PID1: variants seen among roughly 807,000 people sequenced by gnomAD.
PID1 encodes the protein phosphotyrosine interaction domain containing 1, also known as PTB-containing, cubilin and LRP1-interacting protein.
Under a neutral mutation model 19.1 loss-of-function variants are expected in PID1, and 10 were observed. The ratio of observed to expected loss-of-function variants is 0.52; its 90% CI spans 0.32 to 0.89. The LOEUF is 0.89. Among genes scored for constraint, PID1 ranks in the 40% least tolerant of loss-of-function variants. The pLI is 0.03. For missense variants in PID1, 248 were observed against 285.3 expected (o/e 0.87, Z 0.94); for synonymous variants, 130 against 116.0 (o/e 1.12, Z -0.78).
intron 2 of PID1, among the ~76,000 whole-genome samples, chr2:229,144,181 G>A (rs1458608628): frequency 9.2e-5 from 14 of 152,130 alleles, no homozygotes; most frequent in Admixed American, 8.5e-4. Flanking sequence ...GTTTACTTCT[G>A]GGAGACGTGC....
intron 1 of PID1, among the ~76,000 whole-genome samples, chr2:229,171,072 T>C (rs1269788040): frequency 1.3e-5 from 2 of 152,206 alleles, no homozygotes; most frequent in African/African-American, 4.8e-5. Context: ...TTGGAAGTGC[T>C]CAGCTTGACA....
At chr2:229,264,098 C>T (rs1223197637) in intron 1 of PID1, among the ~76,000 whole-genome samples, 1 of 152,144 alleles carries the variant, frequency 6.6e-6, no homozygotes, top group Non-Finnish European at 1.5e-5. Context: ...GCTTCTGGGA[C>T]CCTGACCACA....
At chr2:229,036,368 T>G (rs2106169902) in intron 2 of PID1, among the ~76,000 whole-genome samples, 1 of 152,318 alleles carries the variant, frequency 6.6e-6, no homozygotes. Context: ...AGCTAGGTTT[T>G]TTCTTTTGTT....
intron 2 of PID1, among the ~76,000 whole-genome samples, chr2:229,072,068 T>A (rs1268297313): frequency 6.6e-6 from 1 of 152,232 alleles, no homozygotes; most frequent in East Asian, 1.9e-4. Flanking sequence ...TTCATTCTCC[T>A]CTTGTTAGCA....
intron 1 of PID1, among the ~76,000 whole-genome samples, chr2:229,222,086 A>G (rs372442588): frequency 3.1e-4 from 47 of 152,352 alleles, no homozygotes; most frequent in African/African-American, 1.1e-3. Flanking sequence ...AAATTTACTT[A>G]TAACATTTTC....
At chr2:229,083,476 A>G (rs1379070427) in intron 2 of PID1, among the ~76,000 whole-genome samples, 1 of 152,226 alleles carries the variant, frequency 6.6e-6, no homozygotes, top group Non-Finnish European at 1.5e-5. Flanking sequence ...TTTTGAATCA[A>G]TATTAGCCAT....
intron 2 of PID1, among the ~76,000 whole-genome samples, chr2:229,139,389 A>G (rs1464810906): frequency 3.3e-5 from 5 of 152,214 alleles, no homozygotes; most frequent in African/African-American, 1.2e-4. Context: ...TGAAGAATCT[A>G]TCCTACAAAT....
intron 1 of PID1, among the ~76,000 whole-genome samples, chr2:229,206,226 G>GA (rs1317642888): frequency 6.9e-6 from 1 of 145,282 alleles, no homozygotes; most frequent in African/African-American, 2.6e-5. Flanking sequence ...ATTGCTTAAG[G>GA]AAAAAACAAA....
intron 1 of PID1, among the ~76,000 whole-genome samples, chr2:229,241,303 C>T (rs1459017814): frequency 6.6e-6 from 1 of 152,074 alleles, no homozygotes; most frequent in Non-Finnish European, 1.5e-5. Flanking sequence ...GTATTCTGTT[C>T]TCATTCTGCA....
chr2:229,229,356 T>C (rs527779522), intron 1 of PID1, among the ~76,000 whole-genome samples: 1 of 152,322 alleles, frequency 6.6e-6, no homozygotes, highest in African/African-American at 2.4e-5. Flanking sequence ...CTCCAACTTG[T>C]AACTGGATTG....
chr2:229,125,455 T>C, intron 2 of PID1, among the ~76,000 whole-genome samples: 1 of 151,464 alleles, frequency 6.6e-6, no homozygotes, highest in East Asian at 1.9e-4. Flanking sequence ...TTCCTCAACA[T>C]ACTTAAAAGT....
chr2:229,116,100 G>A (rs1325844811), intron 2 of PID1, among the ~76,000 whole-genome samples: 3 of 152,064 alleles, frequency 2.0e-5, no homozygotes, highest in African/African-American at 7.2e-5. Context: ...GGTGGTGGGT[G>A]CCTGTAGTCC....
chr2:229,126,809 C>T (rs1255349560), intron 2 of PID1, among the ~76,000 whole-genome samples: 6 of 152,202 alleles, frequency 3.9e-5, no homozygotes, highest in Non-Finnish European at 7.3e-5. Flanking sequence ...TTGTCTATTT[C>T]ATTGTTTTAT....
At chr2:229,220,173 C>T (rs1691936138) in intron 1 of PID1, among the ~76,000 whole-genome samples, 1 of 152,132 alleles carries the variant, frequency 6.6e-6, no homozygotes, top group South Asian at 2.1e-4. Context: ...GTACACTCCA[C>T]CATGCCCATC....
intron 2 of PID1, among the ~76,000 whole-genome samples, chr2:229,144,265 G>C (rs1461416614): frequency 6.6e-6 from 1 of 152,118 alleles, no homozygotes; most frequent in African/African-American, 2.4e-5. Flanking sequence ...GAGCAACAGA[G>C]AGAAGTCCCT....
At chr2:229,263,789 C>T (rs958397263) in intron 1 of PID1, among the ~76,000 whole-genome samples, 3 of 152,208 alleles carry the variant, frequency 2.0e-5, no homozygotes, top group East Asian at 3.8e-4. Flanking sequence ...ACAAGAGGCA[C>T]AGTGCTTAGG....
At chr2:229,240,912 G>T (rs928470091) in intron 1 of PID1, among the ~76,000 whole-genome samples, 1 of 151,878 alleles carries the variant, frequency 6.6e-6, no homozygotes, top group Non-Finnish European at 1.5e-5. Flanking sequence ...CTTCTACATT[G>T]TTCAACTGGA....
intron 2 of PID1, among the ~76,000 whole-genome samples, chr2:229,106,077 CA>C (rs10664324): frequency 9.8e-5 from 12 of 122,124 alleles, no homozygotes; most frequent in East Asian, 2.3e-4. Flanking sequence ...GAGATTCCGT[CA>C]AAAAAAAAAA....
chr2:229,065,712 CAAAA>C (rs71988256), intron 2 of PID1, among the ~76,000 whole-genome samples: 4 of 103,962 alleles, frequency 3.8e-5, no homozygotes, highest in Non-Finnish European at 5.3e-5. Context: ...TTGTGATTTA[CAAAA>C]AAAAAAAAAA....
Sources: allele counts gnomAD v4.1 joint callset (sites outside exome capture counted in the v4.1 genomes callset), GRCh38; gene constraint gnomAD v4.1.1; transcripts MANE v1.5; gene names NCBI Gene and HGNC (gene_info 2026-07-23, HGNC 2026-07-21).